The following DACT1 variants were observed in gnomAD, a reference collection of about 807,000 sequenced individuals.
DACT1 encodes the protein dishevelled binding antagonist of beta catenin 1, also known as dapper homolog 1.
In DACT1, 19 loss-of-function variants were observed where a neutral mutation model predicts 35.3. That is an observed-to-expected ratio of 0.54 (90% CI 0.38 to 0.79). DACT1 has a LOEUF of 0.79. Ranked by LOEUF, DACT1 falls within the 30% of genes least tolerant of loss-of-function variation. The pLI is 0.00. For missense variants in DACT1, 1,143 were observed against 1,057.5 expected, an observed-to-expected ratio of 1.08 and a Z score of -1.12; for synonymous variants, 545 against 466.7, an observed-to-expected ratio of 1.17 and a Z score of -2.16.
chr14:58,646,644 C>G lies in DACT1; in HGVS notation c.1910C>G (p.Thr637Ser), dbSNP rs755883759. 2 of 1,612,324 alleles carry G rather than the reference C, an allele frequency of 1.2e-6. No homozygotes were observed. Among genetic ancestry groups the G allele is most frequent in the South Asian group, 1.1e-5 (1 of 91,002 alleles). Residue 637 changes from threonine (T) to serine (S), a missense_variant, in exon 4 of 4, where the codon ACT becomes AGT. Physicochemically the swap from Thr to Ser is moderately conservative, Grantham distance 58 (BLOSUM62 1). This residue lies in a region of DACT1 where 1,054 missense variants were observed against 958.8 expected (regional missense o/e 1.10). Coordinates refer to ENST00000395153, the MANE Select transcript of DACT1 (RefSeq NM_001079520.2). ...AVVAKPKHKRTDYRRWKSSAE... is the reference protein window; with the variant it reads ...AVVAKPKHKRSDYRRWKSSAE... ...GTGGCCAAACCTAAGCACAAGCGAA[C>G]TGACTACCGGCGGTGGAAGTCCTCG... is the stretch of plus-strand genomic sequence containing the variant.
Position 58,646,546 on chromosome 14 carries a change from T to C in DACT1, c.1812T>C (p.Gly604=). 1 of 1,555,210 alleles carries C rather than the reference T, an allele frequency of 6.4e-7. No homozygotes were observed. ...GRKSGGGPEA[G]VPGRPAGGGH... ...AGAGTGGGGGCGGGCCCGAGGCTGG[T>C]GTTCCCGGCAGGCCCGCGGGCGGGG... is the stretch of plus-strand genomic sequence containing the variant. The change falls in exon 4 of 4, where the codon GGT becomes GGC. Residue 604 remains glycine, a synonymous_variant. Transcript: ENST00000395153.
rs534806469 is a variant in DACT1 at position 58,645,990 on chromosome 14, C to T, written c.1256C>T (p.Ala419Val). The change falls in exon 4 of 4, where the codon GCC becomes GTC. Residue 419 changes from alanine to valine, a missense_variant. By Grantham distance (64) the Ala-to-Val change is moderately conservative (BLOSUM62 0). This residue lies in a region of DACT1 where 1,054 missense variants were observed against 958.8 expected (regional missense o/e 1.10). Coordinates refer to ENST00000395153, the MANE Select transcript of DACT1 (RefSeq NM_001079520.2). ...CAGAGTAAGCACCTGCCAAAAACGG[C>T]CAAGCCAGCCTCGCAAGAACATGCT... ...DLQSKHLPKTAKPASQEHARC... is the reference protein window; with the variant it reads ...DLQSKHLPKTVKPASQEHARC... 1.9e-6 allele frequency: 3 copies of T among 1,613,956 alleles called. No individual in the cohort carries two copies. The South Asian group carries it at 3.3e-5, about 18-fold the overall frequency.
Position 58,641,589 on chromosome 14 carries a change from T to C in DACT1, c.479-3T>C, listed in dbSNP as rs954951367. 1 of 1,609,690 alleles carries C rather than the reference T, an allele frequency of 6.2e-7. No homozygotes were observed. Among genetic ancestry groups the C allele is most frequent in the Non-Finnish European group, 8.5e-7 (1 of 1,178,786 alleles). On this transcript the variant is annotated splice_region_variant and splice_polypyrimidine_tract_variant and intron_variant, in intron 2 of 3. Transcript: ENST00000395153. ...TTAATTCCAACGGTGTTTTTATTTG[T>C]AGGGTTTTATGAGCTGAGTGATGGG...
In DACT1 at chr14:58,646,825, C is replaced by G; in HGVS notation, c.2091C>G (p.Phe697Leu). Residue 697 changes from phenylalanine (F) to leucine (L), a missense_variant, in exon 4 of 4, where the codon TTC becomes TTG. Phe to Leu is a conservative substitution (Grantham distance 22, BLOSUM62 0). Coordinates refer to ENST00000395153, the MANE Select transcript of DACT1 (RefSeq NM_001079520.2). ...ACTCGGCCGAGTGCGAGTCCCTGTT[C>G]CACTCCACCGTGGTGGACACCAGTG... Reference protein sequence around the residue: ...SEYSAECESLFHSTVVDTSED... With the variant: ...SEYSAECESLLHSTVVDTSED... The G allele has an allele frequency of 1.2e-6, 2 of 1,614,176 alleles. No homozygotes were observed. The highest frequency in any genetic ancestry group is 1.1e-5 in the South Asian group (1 of 91,086).
At chr14:58,639,650 A>G (rs2047608826) in intron 1 of DACT1, among the ~76,000 whole-genome samples, 1 of 152,252 alleles carries the variant, frequency 6.6e-6, no homozygotes, top group Non-Finnish European at 1.5e-5. Flanking sequence ...TGAAGAAATT[A>G]ATTGTAGCAA....
chr14:58,638,005 G>A lies in DACT1; in HGVS notation c.-198G>A, dbSNP rs2140210610. The A allele has an allele frequency of 7.8e-6, 3 of 383,770 alleles. No individual in the cohort carries two copies. The highest frequency in any genetic ancestry group is 1.2e-5 in the Non-Finnish European group (3 of 241,004). The allele number at this position is 383,770 out of a possible 1,614,324, so 23.8% of individuals were successfully genotyped here. A position where few individuals can be genotyped will look rare whatever the true frequency, so the allele number is the denominator to read the frequency against. ...GCGGCGAGGGACGCGCGGCGACAGC[G>A]GACGGCGCTGCCCGGGCCGGGACAG... On this transcript the variant is annotated 5_prime_UTR_variant, in exon 1 of 4. Transcript: ENST00000395153.
chr14:58,635,087 C>A (rs2047565333), upstream of DACT1, among the ~76,000 whole-genome samples: 1 of 152,050 alleles, frequency 6.6e-6, no homozygotes, highest in Non-Finnish European at 1.5e-5. Flanking sequence ...CCAACTAGGG[C>A]TGAACAACAT....
chr14:58,646,688 G>GGGGCCCTCCTC lies in DACT1; in HGVS notation c.1954_1955insGGGCCCTCCTC (p.Glu652GlyfsTer7). 6.2e-7 allele frequency: 1 copy of GGGGCCCTCCTC among 1,612,968 alleles called. No individual in the cohort carries two copies. The highest frequency in any genetic ancestry group is 1.3e-5 in the African/African-American group (1 of 75,036). Reference sequence around the variant, plus strand: ...GTCCTCGGCCGAGATTTCCTACGAAGAGGCCCTGAGGAGGGCCCGGCGCGG... The same window carrying GGGGCCCTCCTC: ...GTCCTCGGCCGAGATTTCCTACGAAGGGGCCCTCCTCAGGCCCTGAGGAGGGCCCGGCGCGG... On this transcript the variant is annotated frameshift_variant, in exon 4 of 4. Transcript: ENST00000395153. LOFTEE classifies it high-confidence loss of function.
At chr14:58,640,911 T>G in intron 2 of DACT1, 43 bp downstream of exon 2, 1 of 1,610,716 alleles carries the variant, frequency 6.2e-7, no homozygotes, top group South Asian at 1.1e-5. Context: ...ACTCTTGAGT[T>G]GTATCTCAGC....
In DACT1 at chr14:58,647,482, A is replaced by G; in HGVS notation, c.*348A>G. On this transcript the variant is annotated 3_prime_UTR_variant, in exon 4 of 4. Coordinates refer to ENST00000395153, the MANE Select transcript of DACT1 (RefSeq NM_001079520.2). The stretch of plus-strand genomic sequence containing the variant: ...GATAAGATCTTTTGATCCCAAGGTC[A>G]GGTGGATGGAATTTTTGGATTTATA... 3.4e-6 allele frequency: 1 copy of G among 293,420 alleles called. No individual in the cohort carries two copies. Among genetic ancestry groups the G allele is most frequent in the Admixed American group, 5.3e-5 (1 of 18,970 alleles). 18.2% of individuals were successfully genotyped at this position (293,420 alleles called of 1,614,324 possible). A position where few individuals can be genotyped will look rare whatever the true frequency, so the allele number is the denominator to read the frequency against.
chr14:58,639,562 C>T (rs1441833469), intron 1 of DACT1, among the ~76,000 whole-genome samples: 1 of 152,144 alleles, frequency 6.6e-6, no homozygotes, highest in Non-Finnish European at 1.5e-5. Context: ...TATCTCTTTT[C>T]AGATCATTTC....
At position 58,646,087 on chromosome 14, in the gene DACT1, G is replaced by A. The variant is rs371581312; in HGVS notation, c.1353G>A (p.Glu451=). 2.5e-6 allele frequency: 4 copies of A among 1,613,250 alleles called. No individual in the cohort carries two copies. The Admixed American group carries it at 5.0e-5, about 20-fold the overall frequency. The change falls in exon 4 of 4, where the codon GAG becomes GAA. Residue 451 remains glutamate, a synonymous_variant. Transcript: ENST00000395153. The part of the protein sequence containing the change: ...SAQLSGASPK[E]SPSRGPAPPQ... ...AGCTCTCAGGGGCCTCTCCAAAAGA[G>A]AGTCCTAGCAGAGGCCCTGCCCCGC...
rs1386163259 is a variant in DACT1 at position 58,647,147 on chromosome 14, G to A, written c.*13G>A. 16 of 1,597,528 alleles carry A rather than the reference G, an allele frequency of 1.0e-5. No individual in the cohort carries two copies. Among genetic ancestry groups the A allele is most frequent in the Non-Finnish European group, 1.4e-5 (16 of 1,176,130 alleles). On this transcript the variant is annotated 3_prime_UTR_variant, in exon 4 of 4. Coordinates refer to ENST00000395153, the MANE Select transcript of DACT1 (RefSeq NM_001079520.2). Reference sequence around the variant, plus strand: ...GACGACGGTTTGAGTGACATCATTGGTGTAGAAAGTTTGTGTGTTTTTTTT... The same window carrying A: ...GACGACGGTTTGAGTGACATCATTGATGTAGAAAGTTTGTGTGTTTTTTTT...
rs1473497991 is a variant in DACT1 at position 58,646,796 on chromosome 14, G to C, written c.2062G>C (p.Glu688Gln). The change falls in exon 4 of 4, where the codon GAG becomes CAG. Residue 688 changes from glutamate to glutamine, a missense_variant. Glu to Gln is a conservative substitution (Grantham distance 29). This residue lies in a region of DACT1 where 1,054 missense variants were observed against 958.8 expected (regional missense o/e 1.10). Transcript: ENST00000395153. ...SPYAYVASDS[E>Q]YSAECESLFH... ...CTACGCCTACGTGGCTAGCGACTCC[G>C]AGTACTCGGCCGAGTGCGAGTCCCT... The C allele has an allele frequency of 6.2e-7, 1 of 1,614,140 alleles. No homozygotes were observed. Among genetic ancestry groups the C allele is most frequent in the Non-Finnish European group, 8.5e-7 (1 of 1,180,018 alleles).
At chr14:58,634,369 T>C (rs938701028), upstream of DACT1, among the ~76,000 whole-genome samples, 4 of 152,242 alleles carry the variant, frequency 2.6e-5, no homozygotes, top group Non-Finnish European at 2.9e-5. Context: ...GCCATGATGT[T>C]GCCCCATTTT....
At position 58,645,727 on chromosome 14, in the gene DACT1, A is replaced by G. The variant is rs776069867; in HGVS notation, c.993A>G (p.Lys331=). The G allele has an allele frequency of 5.0e-6, 8 of 1,614,196 alleles. No individual in the cohort carries two copies. The highest frequency in any genetic ancestry group is 2.2e-5 in the South Asian group (2 of 91,080). Residue 331 remains lysine (K), a synonymous_variant, in exon 4 of 4, where the codon AAA becomes AAG. Transcript: ENST00000395153. ...CCAGCGTGAACGCTGACCCCACGAA[A>G]GGGCTTCTGAGGAACGGGAGCGTTT... is the stretch of plus-strand genomic sequence containing the variant. ...PRTSVNADPT[K]GLLRNGSVCV... is the part of the protein sequence containing the mutation.
At position 58,645,382 on chromosome 14, in the gene DACT1, G is replaced by A; in HGVS notation, c.648G>A (p.Lys216=). ...ATGTCATTGCAGATGTGAATCCCAAGTACCAGTGTGATCTGGTGTCTAAAA... is the reference window on the plus strand; with the variant it reads ...ATGTCATTGCAGATGTGAATCCCAAATACCAGTGTGATCTGGTGTCTAAAA... ...GCPKSADVNP[K]YQCDLVSKNG... The change falls in exon 4 of 4, where the codon AAG becomes AAA. Residue 216 remains lysine, a synonymous_variant. Coordinates refer to ENST00000395153, the MANE Select transcript of DACT1 (RefSeq NM_001079520.2). The A allele has an allele frequency of 6.2e-7, 1 of 1,614,114 alleles. No individual in the cohort carries two copies. The highest frequency in any genetic ancestry group is 8.5e-7 in the Non-Finnish European group (1 of 1,179,972).
upstream of DACT1, among the ~76,000 whole-genome samples, chr14:58,637,177 G>C (rs1473767167): frequency 6.6e-6 from 1 of 152,204 alleles, no homozygotes; most frequent in East Asian, 1.9e-4. Context: ...CTGAGTCAGA[G>C]CTCTTATTGT....
chr14:58,638,440 G>T lies in DACT1; in HGVS notation c.238G>T (p.Gly80Ter). 7.5e-7 allele frequency: 1 copy of T among 1,338,574 alleles called. No individual in the cohort carries two copies. The allele number at this position is 1,338,574 out of a possible 1,614,324, so 82.9% of individuals were successfully genotyped here. A position where few individuals can be genotyped will look rare whatever the true frequency, so the allele number is the denominator to read the frequency against. The change falls in exon 1 of 4, where the codon GGA (glycine) becomes TGA (stop). Residue 80 changes from glycine to a stop codon, truncating the protein, a stop_gained. Transcript: ENST00000395153. LOFTEE classifies it high-confidence loss of function. The stretch of plus-strand genomic sequence containing the variant: ...CGCCCTGCGCGGCGCCGGGGGTGCG[G>T]GAGCCGCTGCGCCCCGCGCTGGGGA... ...RGALRGAGGAGAAAPRAGELL... is the reference protein window; with the variant it reads ...RGALRGAGGA
Sources: gnomAD v4.1 joint callset for allele counts (sites outside exome capture counted in the v4.1 genomes callset) on GRCh38, gnomAD v4.1.1 for gene constraint, gnomAD v4.1.1 regional missense constraint, MANE v1.5 for transcripts, NCBI Gene and HGNC (gene_info 2026-07-23, HGNC 2026-07-21) for gene names.